Variants in KLHL1 observed in about 807,000 individuals in gnomAD.
KLHL1 encodes kelch like family member 1.
Under a neutral mutation model 77.7 loss-of-function variants are expected in KLHL1, and 47 were observed. That is an observed-to-expected ratio of 0.60 (90% confidence interval 0.48 to 0.77). The LOEUF is 0.77. Ranked by LOEUF, KLHL1 falls within the 30% of genes least tolerant of loss-of-function variation. The pLI is 0.00. For missense variants in KLHL1, 925 were observed against 910.8 expected, an observed-to-expected ratio of 1.02 and a Z score of -0.20; for synonymous variants, 360 against 325.2, an observed-to-expected ratio of 1.11 and a Z score of -1.15.
At chr13:69,969,013 G>A (rs1884304375) in intron 2 of KLHL1, among the ~76,000 whole-genome samples, 1 of 151,842 alleles carries the variant, frequency 6.6e-6, no homozygotes, top group Non-Finnish European at 1.5e-5. Context: ...AAGAAAGGAA[G>A]TTAGATCAAT....
Position 69,955,881 on chromosome 13 carries a change from ATATATATATTTGATATATT to A in KLHL1, c.817+5408_817+5426del, listed in dbSNP as rs757146279. 6.8e-3 allele frequency among the ~76,000 whole-genome samples: 942 copies of A among 138,770 alleles called. 39 individuals carry two copies. In the East Asian group the frequency reaches 0.091, roughly 13 times the overall value. The allele number at this position is 138,770 out of a possible 152,430, so 91.0% of individuals were successfully genotyped here. ...AGAAAATACTAGCATATATATATTT[ATATATATATTTGATATATT>A]TATATATATTTGATATATATATTTA... On this transcript the variant is annotated intron_variant, in intron 3 of 10. Transcript: ENST00000377844.
At chr13:69,702,298 T>C (rs1875431545) in intron 10 of KLHL1, among the ~76,000 whole-genome samples, 1 of 151,776 alleles carries the variant, frequency 6.6e-6, no homozygotes, top group Non-Finnish European at 1.5e-5. Context: ...AAATTTTCCA[T>C]CTTATGACAA....
intron 1 of KLHL1, among the ~76,000 whole-genome samples, chr13:70,067,484 C>T (rs770040957): frequency 8.6e-5 from 13 of 151,988 alleles, no homozygotes; most frequent in Non-Finnish European, 1.5e-4. Flanking sequence ...TGGGGAAAGC[C>T]GGTGGAGAAC....
At chr13:70,011,556 C>A (rs1885533912) in intron 1 of KLHL1, among the ~76,000 whole-genome samples, 1 of 152,132 alleles carries the variant, frequency 6.6e-6, no homozygotes, top group African/African-American at 2.4e-5. Context: ...TTTTCTCTAT[C>A]AGCCATCAAC....
intron 1 of KLHL1, among the ~76,000 whole-genome samples, chr13:70,067,319 C>A (rs1352132879): frequency 6.6e-6 from 1 of 152,026 alleles, no homozygotes; most frequent in African/African-American, 2.4e-5. Context: ...TTCACAACAC[C>A]CTGTGAGGTA....
chr13:69,929,596 G>C (rs1882931545), intron 4 of KLHL1, among the ~76,000 whole-genome samples: 1 of 151,680 alleles, frequency 6.6e-6, no homozygotes, highest in South Asian at 2.1e-4. Flanking sequence ...TGGTGGTGCT[G>C]TATCATCTCA....
At chr13:69,826,519 G>T (rs372221440) in intron 6 of KLHL1, among the ~76,000 whole-genome samples, 1 of 152,136 alleles carries the variant, frequency 6.6e-6, no homozygotes, top group African/African-American at 2.4e-5. Context: ...GGCAGAGGTT[G>T]CAGTTAGCCA....
At chr13:69,819,826 T>C (rs890428303) in intron 6 of KLHL1, among the ~76,000 whole-genome samples, 14 of 152,006 alleles carry the variant, frequency 9.2e-5, no homozygotes, top group Admixed American at 2.0e-4. Context: ...AAAATTTTAT[T>C]ATTATTTTCT....
intron 6 of KLHL1, among the ~76,000 whole-genome samples, chr13:69,797,752 C>T (rs190043585): frequency 6.1e-5 from 9 of 148,546 alleles, no homozygotes; most frequent in Admixed American, 6.0e-4. Context: ...TGGCATGAAC[C>T]CGGGAGGCGG....
intron 5 of KLHL1, among the ~76,000 whole-genome samples, chr13:69,851,293 C>A (rs149974618): frequency 1.5e-4 from 23 of 151,796 alleles, no homozygotes; most frequent in African/African-American, 4.6e-4. Context: ...GAAACTACTA[C>A]GCTTCCTTTA....
chr13:70,104,479 G>C (rs1354244025), intron 1 of KLHL1, among the ~76,000 whole-genome samples: 1 of 151,980 alleles, frequency 6.6e-6, no homozygotes, highest in Non-Finnish European at 1.5e-5. Context: ...GTTCTAACCG[G>C]TTTACTCAAC....
intron 1 of KLHL1, among the ~76,000 whole-genome samples, chr13:70,038,528 G>C (rs1886292760): frequency 7.0e-6 from 1 of 143,766 alleles, no homozygotes; most frequent in Non-Finnish European, 1.5e-5. Flanking sequence ...CAAAAACAAT[G>C]TAAAAGAGAT....
At chr13:69,744,825 C>T (rs74090442) in intron 7 of KLHL1, among the ~76,000 whole-genome samples, 2,322 of 151,972 alleles carry the variant, frequency 0.015, 57 homozygotes, top group African/African-American at 0.053. Context: ...TTTTAAATTG[C>T]AAATATTATT....
chr13:69,866,686 T>C (rs1880376259), intron 5 of KLHL1, among the ~76,000 whole-genome samples: 1 of 152,150 alleles, frequency 6.6e-6, no homozygotes, highest in African/African-American at 2.4e-5. Context: ...AATGGGTTTA[T>C]GGGTTTATAA....
chr13:69,928,499 G>A (rs1593958067), intron 4 of KLHL1, among the ~76,000 whole-genome samples: 1 of 152,128 alleles, frequency 6.6e-6, no homozygotes. Context: ...TTATTCATAA[G>A]GGGCCCAAAG....
At chr13:69,834,192 C>T (rs1020818293) in intron 6 of KLHL1, among the ~76,000 whole-genome samples, 2 of 151,742 alleles carry the variant, frequency 1.3e-5, no homozygotes, top group African/African-American at 2.4e-5. Flanking sequence ...CACTAAAGAA[C>T]TTATCTATGT....
chr13:69,882,593 T>C, intron 4 of KLHL1, 98 bp from the exon 5 acceptor site: 1 of 756,764 alleles, frequency 1.3e-6, no homozygotes, highest in East Asian at 2.7e-5. Flanking sequence ...TCCTTTGTTC[T>C]TATTATAACA....
At chr13:69,973,044 A>G (rs535465165) in intron 2 of KLHL1, among the ~76,000 whole-genome samples, 1 of 152,062 alleles carries the variant, frequency 6.6e-6, no homozygotes, top group East Asian at 1.9e-4. Context: ...ATTTCCTTCA[A>G]GGCCTAAAGC....
chr13:70,107,524 C>T lies in KLHL1; in HGVS notation c.176G>A (p.Ser59Asn). Reference protein sequence around the residue: ...WGPSQSRLLKSQERSGVSTFW... With the variant: ...WGPSQSRLLKNQERSGVSTFW... ...AGTGCTCACACCGCTTCTCTCTTGG[C>T]TTTTGAGCAGGCGACTCTGGCTGGG... is the stretch of plus-strand genomic sequence containing the variant. Residue 59 changes from serine (S) to asparagine (N), a missense_variant, in exon 1 of 11, where the codon AGC becomes AAC. By Grantham distance (46) the Ser-to-Asn change is conservative. Transcript: ENST00000377844. The T allele has an allele frequency of 6.2e-7, 1 of 1,611,372 alleles. No homozygotes were observed. The highest frequency in any genetic ancestry group is 8.5e-7 in the Non-Finnish European group (1 of 1,178,610).
Sources: gnomAD v4.1 joint callset for allele counts (sites outside exome capture counted in the v4.1 genomes callset) on GRCh38, gnomAD v4.1.1 for gene constraint, MANE v1.5 for transcripts, NCBI Gene and HGNC (gene_info 2026-07-23, HGNC 2026-07-21) for gene names.